Variants in DGKG observed in about 807,000 individuals in gnomAD.
The protein encoded by DGKG is diacylglycerol kinase gamma.
DGKG carries 78 observed loss-of-function variants against 105.3 expected under a neutral mutation model. The observed-to-expected ratio is 0.74, with a 90% CI of 0.62 to 0.89. DGKG has a LOEUF of 0.89. Ranked by LOEUF, DGKG falls within the 40% of genes least tolerant of loss-of-function variation. The pLI is 0.00. For synonymous variants in DGKG, 346 were observed against 367.1 expected (o/e 0.94, Z 0.66); for missense variants, 958 against 1,020.1 (o/e 0.94, Z 0.83).
At chr3:186,174,313 G>A (rs1716967093) in intron 22 of DGKG, among the ~76,000 whole-genome samples, 1 of 152,168 alleles carries the variant, frequency 6.6e-6, no homozygotes, top group African/African-American at 2.4e-5. Context: ...CTTTAAAAAG[G>A]GATGTACTCA....
At chr3:186,260,629 T>C in intron 15 of DGKG, 116 bp from the exon 16 acceptor site, 1 of 788,874 alleles carries the variant, frequency 1.3e-6, no homozygotes, top group East Asian at 2.6e-5. Flanking sequence ...GGATGAGGGT[T>C]CATTTAAACC....
At chr3:186,293,861 T>C (rs1723422303) in intron 5 of DGKG, among the ~76,000 whole-genome samples, 1 of 152,216 alleles carries the variant, frequency 6.6e-6, no homozygotes, top group Non-Finnish European at 1.5e-5. Context: ...CCTGGTCCTA[T>C]AATTCTTGTT....
chr3:186,217,255 G>A (rs1433515444), intron 20 of DGKG, among the ~76,000 whole-genome samples: 1 of 152,172 alleles, frequency 6.6e-6, no homozygotes, highest in African/African-American at 2.4e-5. Context: ...TTCCTGAGTA[G>A]TCTTTGGCCC....
chr3:186,299,742 C>T (rs1351083691), intron 3 of DGKG, among the ~76,000 whole-genome samples: 1 of 151,294 alleles, frequency 6.6e-6, no homozygotes, highest in African/African-American at 2.4e-5. Flanking sequence ...TTTCTTCCTC[C>T]TCTCTTTTCT....
intron 22 of DGKG, among the ~76,000 whole-genome samples, chr3:186,179,862 C>A (rs1380496546): frequency 6.6e-6 from 1 of 152,184 alleles, no homozygotes; most frequent in Non-Finnish European, 1.5e-5. Context: ...GGCAGAGGGG[C>A]CCTGGCACAG....
chr3:186,182,217 A>G (rs1717393425), intron 22 of DGKG, among the ~76,000 whole-genome samples: 1 of 152,256 alleles, frequency 6.6e-6, no homozygotes, highest in South Asian at 2.1e-4. Context: ...AGCCACAGGC[A>G]ATTTAAAGAT....
chr3:186,232,603 GT>G (rs566057428), intron 20 of DGKG, among the ~76,000 whole-genome samples: 8 of 151,596 alleles, frequency 5.3e-5, no homozygotes, highest in Non-Finnish European at 1.0e-4. Context: ...TGAGTGATTG[GT>G]TTTTTTTCTC....
chr3:186,273,367 CTT>C lies in DGKG; in HGVS notation c.911-1026_911-1025del, dbSNP rs375667915. On this transcript the variant is annotated intron_variant, in intron 10 of 24. Transcript: ENST00000265022. The stretch of plus-strand genomic sequence containing the variant: ...TGGCGCTGGGGAGACTGTTGTACCC[CTT>C]TTTTTTTTTTTTTTTTTTTTTTTTG... Among the ~76,000 whole-genome samples the C allele has an allele frequency of 1.0e-3, 88 of 85,632 alleles. 7 individuals are homozygous for C. The highest frequency in any genetic ancestry group is 3.0e-3 in the African/African-American group (76 of 25,354). 56.2% of individuals were successfully genotyped at this position (85,632 alleles called of 152,430 possible).
chr3:186,225,929 G>C (rs1324104370), intron 20 of DGKG, among the ~76,000 whole-genome samples: 2 of 152,228 alleles, frequency 1.3e-5, no homozygotes, highest in East Asian at 3.8e-4. Flanking sequence ...AGCTGCAGCA[G>C]GGTGAGAGAT....
Position 186,284,576 on chromosome 3 carries a change from A to C in DGKG, c.594+84T>G. On this transcript the variant is annotated intron_variant, in intron 7 of 24. Transcript: ENST00000265022. The surrounding 1 kb of genome is among the most constrained non-coding windows in gnomAD (Gnocchi z 4.0). ...GCTATTACTACAAAGACGGAACTGA[A>C]CATTTTCAGATTCTTCCTCTGCTTG... The C allele has an allele frequency of 8.2e-7, 1 of 1,223,716 alleles. No homozygotes were observed. The highest frequency in any genetic ancestry group is 1.2e-6 in the Non-Finnish European group (1 of 827,146). 75.8% of individuals were successfully genotyped at this position (1,223,716 alleles called of 1,614,324 possible).
chr3:186,316,144 C>G (rs1724808019), intron 2 of DGKG, among the ~76,000 whole-genome samples: 1 of 152,228 alleles, frequency 6.6e-6, no homozygotes, highest in African/African-American at 2.4e-5. Flanking sequence ...TTGAGGCCTC[C>G]CCCTTGAAGG....
chr3:186,250,056 C>T (rs541217361), intron 19 of DGKG, among the ~76,000 whole-genome samples: 1 of 152,192 alleles, frequency 6.6e-6, no homozygotes, highest in Admixed American at 6.5e-5. Context: ...AGCACAACTC[C>T]AAAGACAAGG....
intron 2 of DGKG, among the ~76,000 whole-genome samples, chr3:186,319,084 GAATTA>G (rs1483866940): frequency 1.3e-5 from 2 of 152,168 alleles, no homozygotes; most frequent in Non-Finnish European, 2.9e-5. Context: ...AGAGCTAGCT[GAATTA>G]AATTGAATTT....
At chr3:186,245,727 C>G (rs1720907845) in intron 19 of DGKG, among the ~76,000 whole-genome samples, 1 of 152,090 alleles carries the variant, frequency 6.6e-6, no homozygotes, top group South Asian at 2.1e-4. Context: ...AACTACAACT[C>G]CAAGCACATG....
At chr3:186,294,574 T>C (rs1305768370) in intron 5 of DGKG, among the ~76,000 whole-genome samples, 1 of 151,750 alleles carries the variant, frequency 6.6e-6, no homozygotes, top group Non-Finnish European at 1.5e-5. Context: ...GGTAAATAAT[T>C]TGGGGCAGGA....
chr3:186,260,406 A>G (rs760792520), intron 16 of DGKG, 33 bp downstream of exon 16: 4 of 1,477,306 alleles, frequency 2.7e-6, no homozygotes, highest in South Asian at 1.1e-5. Flanking sequence ...AGGGAGGGGG[A>G]GAAATAAGAG....
rs1489088915 is a variant in DGKG at position 186,148,237 on chromosome 3, C to G, written c.*1853G>C. On this transcript the variant is annotated 3_prime_UTR_variant, in exon 25 of 25. Transcript: ENST00000265022. ...CCCACTGAGCTCTGCTGAGACCCCT[C>G]TGTCCTGGCTGGCAGTATCTTGCAG... 16 of 985,390 alleles carry G rather than the reference C, an allele frequency of 1.6e-5. No homozygotes were observed. The highest frequency in any genetic ancestry group is 1.7e-5 in the African/African-American group (1 of 57,246). 61.0% of individuals were successfully genotyped at this position (985,390 alleles called of 1,614,324 possible). A position where few individuals can be genotyped will look rare whatever the true frequency, so the allele number is the denominator to read the frequency against.
At chr3:186,192,244 G>A (rs1035231851) in intron 21 of DGKG, among the ~76,000 whole-genome samples, 1 of 152,042 alleles carries the variant, frequency 6.6e-6, no homozygotes, top group Non-Finnish European at 1.5e-5. Flanking sequence ...ACTGACCTCA[G>A]GTGATCCACC....
chr3:186,254,599 A>G (rs1721374996), intron 17 of DGKG, among the ~76,000 whole-genome samples: 1 of 151,958 alleles, frequency 6.6e-6, no homozygotes, highest in South Asian at 2.1e-4. Context: ...TCCCTCACAC[A>G]TCCATTCACA....
Sources: gnomAD v4.1 joint callset for allele counts (sites outside exome capture counted in the v4.1 genomes callset) on GRCh38, gnomAD v4.1.1 for gene constraint, Gnocchi (gnomAD v3.1) non-coding constraint, MANE v1.5 for transcripts, NCBI Gene and HGNC (gene_info 2026-07-23, HGNC 2026-07-21) for gene names.